The following RARB variants were observed in gnomAD, a reference collection of about 807,000 sequenced individuals.
RARB encodes the protein HBV-activated protein.
A neutral mutation model predicts 51.9 loss-of-function variants in RARB; 17 were observed. That is an observed-to-expected ratio of 0.33 (90% CI 0.22 to 0.49). The LOEUF is 0.49. Ranked by LOEUF, RARB falls within the 20% of genes least tolerant of loss-of-function variation. RARB has a pLI of 0.99. For synonymous variants in RARB, 215 were observed against 195.4 expected (o/e 1.10, Z -0.84); for missense variants, 369 against 550.8 (o/e 0.67, Z 3.30).
intron 3 of RARB, among the ~76,000 whole-genome samples, chr3:25,551,622 C>T (rs764150889): frequency 5.9e-5 from 9 of 152,252 alleles, no homozygotes; most frequent in Admixed American, 2.0e-4. Flanking sequence ...TCACATCTGA[C>T]GCTTAGGAGA....
intron 2 of RARB, among the ~76,000 whole-genome samples, chr3:25,472,604 A>G (rs1457556236): frequency 6.6e-6 from 1 of 152,216 alleles, no homozygotes; most frequent in African/African-American, 2.4e-5. Context: ...ATGAGAGCAG[A>G]TTCTACCATC....
chr3:25,282,991 G>T (rs1351126272), intron 5 of RARB, among the ~76,000 whole-genome samples: 4 of 152,188 alleles, frequency 2.6e-5, no homozygotes, highest in Non-Finnish European at 5.9e-5. Flanking sequence ...ACTGGACATT[G>T]TAAGAACACG....
intron 5 of RARB, among the ~76,000 whole-genome samples, chr3:25,395,602 TTC>T (rs1491567657): frequency 2.4e-4 from 36 of 150,832 alleles, no homozygotes; most frequent in Middle Eastern, 3.5e-3. Context: ...ATTTTTTAAA[TTC>T]TTTTTTTTGT....
chr3:25,315,066 G>A (rs149672208), intron 5 of RARB, among the ~76,000 whole-genome samples: 30 of 152,284 alleles, frequency 2.0e-4, no homozygotes, highest in African/African-American at 6.3e-4. Flanking sequence ...GTAGTATTCC[G>A]TGGTGTGTAG....
chr3:25,537,274 A>G (rs987257427), intron 3 of RARB, among the ~76,000 whole-genome samples: 2 of 152,246 alleles, frequency 1.3e-5, no homozygotes, highest in South Asian at 4.1e-4. Context: ...TGATGCTTTA[A>G]GCTCATGCCA....
rs1700747335 is a variant in RARB at position 25,176,339 on chromosome 3, TTCCTTCCTTCCTTCCTTCC to T, written c.178+1766_178+1784del. ...TTTCTTTCTTTCTTTCTTTCTTTCC[TTCCTTCCTTCCTTCCTTCC>T]TTCCTTCCTTCCTTCCTTCCTTCCT... On this transcript the variant is annotated intron_variant, in intron 5 of 11. Transcript: ENST00000383772. Among the ~76,000 whole-genome samples, 471 of 71,484 alleles carry T rather than the reference TTCCTTCCTTCCTTCCTTCC, an allele frequency of 6.6e-3. 5 individuals are homozygous for T. The highest frequency in any genetic ancestry group is 0.016 in the South Asian group (27 of 1,708). 46.9% of individuals were successfully genotyped at this position (71,484 alleles called of 152,430 possible).
chr3:24,968,660 A>G (rs760514476), intron 2 of RARB, among the ~76,000 whole-genome samples: 1 of 152,088 alleles, frequency 6.6e-6, no homozygotes, highest in Non-Finnish European at 1.5e-5. Context: ...TCTTTCTCCC[A>G]TAGCCTAACC....
At chr3:25,130,251 GA>G (rs1699924520) in intron 3 of RARB, among the ~76,000 whole-genome samples, 1 of 152,134 alleles carries the variant, frequency 6.6e-6, no homozygotes, top group African/African-American at 2.4e-5. Context: ...CACTGTCTTG[GA>G]AGTCTTTCCC....
intron 1 of RARB, among the ~76,000 whole-genome samples, chr3:25,439,839 T>C (rs1229669847): frequency 6.6e-6 from 1 of 152,228 alleles, no homozygotes; most frequent in African/African-American, 2.4e-5. Flanking sequence ...TGAAGTGACT[T>C]GCTAGAAGTC....
intron 5 of RARB, among the ~76,000 whole-genome samples, chr3:25,383,733 G>C (rs559604534): frequency 5.3e-5 from 8 of 151,986 alleles, no homozygotes; most frequent in African/African-American, 1.2e-4. Flanking sequence ...TTCACGACCA[G>C]TCTGGCCAAC....
chr3:25,592,598 T>C (rs1417040795), intron 5 of RARB, among the ~76,000 whole-genome samples: 1 of 152,196 alleles, frequency 6.6e-6, no homozygotes, highest in Non-Finnish European at 1.5e-5. Flanking sequence ...TGTTTTGCTC[T>C]GAGTGAGGCC....
intron 2 of RARB, among the ~76,000 whole-genome samples, chr3:24,983,130 A>G (rs1489175243): frequency 2.0e-5 from 3 of 152,202 alleles, no homozygotes; most frequent in Non-Finnish European, 2.9e-5. Context: ...AGTTGCCAAT[A>G]AAACACACAT....
intron 3 of RARB, among the ~76,000 whole-genome samples, chr3:25,091,264 C>A (rs1699194013): frequency 6.6e-6 from 1 of 152,106 alleles, no homozygotes. Flanking sequence ...GTCTGGATGC[C>A]TTCTGAGGTT....
In RARB at chr3:25,037,268, T is replaced by C. The variant is rs186945633; in HGVS notation, c.-379-22857T>C. On this transcript the variant is annotated intron_variant, in intron 2 of 11. Transcript: ENST00000383772. ...AAAGGAATTTCACCAGCTTTTTTTT[T>C]TTTTTCCTGTTGGCCATGGCGAATA... Among the ~76,000 whole-genome samples the C allele has an allele frequency of 1.8e-3, 269 of 152,098 alleles. 6 individuals carry two copies. Among genetic ancestry groups the C allele is most frequent in the Admixed American group, 0.016 (244 of 15,288 alleles).
At chr3:25,315,681 T>A (rs1704404414) in intron 5 of RARB, among the ~76,000 whole-genome samples, 1 of 152,184 alleles carries the variant, frequency 6.6e-6, no homozygotes. Context: ...TGCCGCAGTC[T>A]CAGCTCACTG....
At chr3:25,474,950 A>AT (rs1695877589) in intron 2 of RARB, among the ~76,000 whole-genome samples, 1 of 152,108 alleles carries the variant, frequency 6.6e-6, no homozygotes, top group Admixed American at 6.6e-5. Context: ...TACAGATATC[A>AT]TTTTTTTCTC....
chr3:25,507,854 T>C (rs1697689868), intron 3 of RARB, among the ~76,000 whole-genome samples: 1 of 152,138 alleles, frequency 6.6e-6, no homozygotes, highest in Non-Finnish European at 1.5e-5. Context: ...GAGGTTAGGC[T>C]AGGTTCCCAT....
chr3:25,252,852 C>T (rs1702762461), intron 5 of RARB, among the ~76,000 whole-genome samples: 1 of 152,134 alleles, frequency 6.6e-6, no homozygotes, highest in Non-Finnish European at 1.5e-5. Context: ...AAGTGTGAGT[C>T]ATGACTTATG....
At chr3:25,009,260 C>CA (rs1250153785) in intron 2 of RARB, among the ~76,000 whole-genome samples, 1 of 152,136 alleles carries the variant, frequency 6.6e-6, no homozygotes. Context: ...GAATGGCTGA[C>CA]AGAAGATACA....
Sources: gnomAD v4.1 joint callset for allele counts (sites outside exome capture counted in the v4.1 genomes callset) on GRCh38, gnomAD v4.1.1 for gene constraint, MANE v1.5 for transcripts, NCBI Gene and HGNC (gene_info 2026-07-23, HGNC 2026-07-21) for gene names.